Variants in SLCO5A1 observed in about 807,000 individuals in gnomAD.
The protein encoded by SLCO5A1 is solute carrier organic anion transporter family member 5A1.
In SLCO5A1, 39 loss-of-function variants were observed where a neutral mutation model predicts 65.1. The ratio of observed to expected loss-of-function variants is 0.60; its 90% confidence interval spans 0.46 to 0.78. The LOEUF (loss-of-function observed/expected upper bound fraction) is 0.78. Ranked by LOEUF, SLCO5A1 falls within the 30% of genes least tolerant of loss-of-function variation. SLCO5A1 has a pLI of 0.00. For missense variants in SLCO5A1, 1,029 were observed against 1,069.4 expected, an observed-to-expected ratio of 0.96 and a Z score of 0.53; for synonymous variants, 438 against 415.7, an observed-to-expected ratio of 1.05 and a Z score of -0.65.
At chr8:69,746,025 C>T (rs1816993523) in intron 4 of SLCO5A1, among the ~76,000 whole-genome samples, 1 of 152,168 alleles carries the variant, frequency 6.6e-6, no homozygotes, top group Admixed American at 6.5e-5. Flanking sequence ...CTCCCTGACT[C>T]AGGCAGCCAA....
intron 2 of SLCO5A1, among the ~76,000 whole-genome samples, chr8:69,781,115 A>G (rs1818774171): frequency 6.6e-6 from 1 of 152,340 alleles, no homozygotes; most frequent in East Asian, 1.9e-4. Flanking sequence ...AGCAGCTTCA[A>G]CTTACCTCCT....
chr8:69,715,396 G>C (rs1317984846), intron 5 of SLCO5A1, among the ~76,000 whole-genome samples: 1 of 152,216 alleles, frequency 6.6e-6, no homozygotes, highest in Non-Finnish European at 1.5e-5. Context: ...CCCATGCCAA[G>C]TACAAAACCC....
intron 7 of SLCO5A1, among the ~76,000 whole-genome samples, 171 bp downstream of exon 7, chr8:69,682,013 A>G (rs1413835597): frequency 6.6e-6 from 1 of 152,194 alleles, no homozygotes. Flanking sequence ...AAAAAAAATA[A>G]TAGCAATGCA....
At chr8:69,762,126 CTTT>C (rs1817809261) in intron 2 of SLCO5A1, among the ~76,000 whole-genome samples, 5 of 7,968 alleles carry the variant, frequency 6.3e-4, no homozygotes, top group Non-Finnish European at 6.6e-4. Flanking sequence ...TGTTTTCTTT[CTTT>C]CTTTCTTTCT....
intron 6 of SLCO5A1, 120 bp downstream of exon 6, chr8:69,704,911 A>C: frequency 1.1e-6 from 1 of 907,930 alleles, no homozygotes; most frequent in Non-Finnish European, 1.7e-6. Context: ...GAGCACACAG[A>C]GCACACACAG....
At chr8:69,683,258 A>G (rs533216959) in intron 6 of SLCO5A1, among the ~76,000 whole-genome samples, 6 of 152,290 alleles carry the variant, frequency 3.9e-5, no homozygotes, top group African/African-American at 1.4e-4. Context: ...TGTGACCACC[A>G]GTTTTGTGTA....
intron 2 of SLCO5A1, among the ~76,000 whole-genome samples, chr8:69,773,493 A>G (rs758143188): frequency 2.0e-5 from 3 of 152,206 alleles, no homozygotes; most frequent in Non-Finnish European, 4.4e-5. Flanking sequence ...TTGAGAGTCC[A>G]GAGTACCAGA....
chr8:69,761,922 CAT>C, intron 2 of SLCO5A1, 47 bp from the exon 3 acceptor site: 1 of 1,603,404 alleles, frequency 6.2e-7, no homozygotes, highest in Non-Finnish European at 8.5e-7. Context: ...CGTTTTATTA[CAT>C]GTTAGGAGTT....
At chr8:69,742,547 T>G (rs1816829955) in intron 4 of SLCO5A1, among the ~76,000 whole-genome samples, 1 of 152,160 alleles carries the variant, frequency 6.6e-6, no homozygotes, top group Non-Finnish European at 1.5e-5. Flanking sequence ...AGGTTATAAT[T>G]TAAGGTGGTC....
chr8:69,775,145 A>C (rs2130877410), intron 2 of SLCO5A1, among the ~76,000 whole-genome samples: 1 of 152,298 alleles, frequency 6.6e-6, no homozygotes, highest in Middle Eastern at 3.4e-3. Context: ...TCAGGTCACA[A>C]ATGAGAGGGG....
At chr8:69,792,165 A>G (rs1586804875) in intron 2 of SLCO5A1, among the ~76,000 whole-genome samples, 1 of 152,228 alleles carries the variant, frequency 6.6e-6, no homozygotes, top group Admixed American at 6.5e-5. Context: ...GTTAAAAGAT[A>G]TAGATTAATA....
chr8:69,831,408 A>G (rs530026807), intron 2 of SLCO5A1, among the ~76,000 whole-genome samples: 61 of 152,210 alleles, frequency 4.0e-4, no homozygotes, highest in Non-Finnish European at 7.2e-4. Flanking sequence ...AAAACTTTAC[A>G]CATGAGGTAC....
At chr8:69,791,284 T>C (rs182669659) in intron 2 of SLCO5A1, among the ~76,000 whole-genome samples, 378 of 152,226 alleles carry the variant, frequency 2.5e-3, no homozygotes, top group South Asian at 4.4e-3. Context: ...GGCAAGAACA[T>C]GCACGGAGCC....
intron 4 of SLCO5A1, among the ~76,000 whole-genome samples, chr8:69,745,505 T>G (rs968488648): frequency 6.6e-6 from 1 of 152,192 alleles, no homozygotes; most frequent in Non-Finnish European, 1.5e-5. Context: ...TATGAAGCAG[T>G]TGACTAAATT....
At chr8:69,765,122 G>A (rs1444080321) in intron 2 of SLCO5A1, among the ~76,000 whole-genome samples, 3 of 152,022 alleles carry the variant, frequency 2.0e-5, no homozygotes, top group Non-Finnish European at 4.4e-5. Flanking sequence ...ATATATATCT[G>A]TGTGCCTGTG....
intron 2 of SLCO5A1, among the ~76,000 whole-genome samples, chr8:69,775,237 T>C (rs146966727): frequency 2.0e-5 from 3 of 152,314 alleles, no homozygotes; most frequent in African/African-American, 7.2e-5. Flanking sequence ...TAACTTCCTT[T>C]AGAAATATTT....
chr8:69,728,495 G>T (rs1032114626), intron 5 of SLCO5A1, among the ~76,000 whole-genome samples: 6 of 152,170 alleles, frequency 3.9e-5, no homozygotes, highest in African/African-American at 1.4e-4. Flanking sequence ...CAATATATCA[G>T]ATATAACCAA....
At chr8:69,806,078 G>C (rs746599673) in intron 2 of SLCO5A1, among the ~76,000 whole-genome samples, 8 of 152,116 alleles carry the variant, frequency 5.3e-5, no homozygotes, top group African/African-American at 1.4e-4. Context: ...CCCAACCCCC[G>C]CCAGAGGAAG....
intron 2 of SLCO5A1, among the ~76,000 whole-genome samples, chr8:69,775,245 T>C (rs1818510935): frequency 6.6e-6 from 1 of 152,162 alleles, no homozygotes; most frequent in African/African-American, 2.4e-5. Flanking sequence ...TTTAGAAATA[T>C]TTTCAAAGTA....
Sources: allele counts gnomAD v4.1 joint callset (sites outside exome capture counted in the v4.1 genomes callset), GRCh38; gene constraint gnomAD v4.1.1; transcripts MANE v1.5; gene names NCBI Gene and HGNC (gene_info 2026-07-23, HGNC 2026-07-21).